The following KAZN variants were observed in gnomAD, a reference collection of about 807,000 sequenced individuals.
KAZN encodes the protein kazrin, periplakin interacting protein.
A neutral mutation model predicts 87.4 loss-of-function variants in KAZN; 40 were observed. The observed-to-expected ratio is 0.46, with a 90% CI of 0.36 to 0.60. The LOEUF is 0.60. Ranked by LOEUF, KAZN falls within the 20% of genes least tolerant of loss-of-function variation. KAZN has a pLI of 0.00. For missense variants in KAZN, 898 were observed against 1,073.9 expected, an observed-to-expected ratio of 0.84 and a Z score of 2.29; for synonymous variants, 466 against 458.3, an observed-to-expected ratio of 1.02 and a Z score of -0.22.
chr1:15,003,005 T>TACACACAC (rs113317563), intron 2 of KAZN, among the ~76,000 whole-genome samples: 48 of 131,498 alleles, frequency 3.7e-4, no homozygotes, highest in African/African-American at 7.6e-4. Context: ...AAAATAAACG[T>TACACACAC]ACACACACAC....
At chr1:14,781,052 G>A (rs1283897693) in intron 1 of KAZN, among the ~76,000 whole-genome samples, 1 of 152,186 alleles carries the variant, frequency 6.6e-6, no homozygotes, top group Non-Finnish European at 1.5e-5. Flanking sequence ...GCCGGGCGCG[G>A]AGGATCACAC....
At chr1:14,890,670 A>G (rs937683872) in intron 1 of KAZN, among the ~76,000 whole-genome samples, 1 of 152,114 alleles carries the variant, frequency 6.6e-6, no homozygotes, top group African/African-American at 2.4e-5. Flanking sequence ...CCACTGATGA[A>G]TCTCAGAATG....
intron 2 of KAZN, among the ~76,000 whole-genome samples, chr1:14,293,840 C>A (rs995455462): frequency 9.2e-5 from 14 of 152,108 alleles, no homozygotes; most frequent in African/African-American, 3.4e-4. Context: ...TCAGTTTCCC[C>A]AAGGTGGTTA....
chr1:14,284,827 CG>C (rs964671294), intron 2 of KAZN, among the ~76,000 whole-genome samples: 2 of 152,180 alleles, frequency 1.3e-5, no homozygotes, highest in Non-Finnish European at 2.9e-5. Context: ...CATTGAGAAA[CG>C]AAGTGGCTTC....
intron 2 of KAZN, among the ~76,000 whole-genome samples, chr1:14,242,451 G>GAAAAAC (rs1294152029): frequency 1.3e-5 from 2 of 151,954 alleles, no homozygotes; most frequent in Admixed American, 6.6e-5. Flanking sequence ...GAAAGAGAAA[G>GAAAAAC]AAAAACACTG....
chr1:15,052,210 T>G (rs1302363698), intron 4 of KAZN, among the ~76,000 whole-genome samples: 1 of 151,950 alleles, frequency 6.6e-6, no homozygotes, highest in East Asian at 1.9e-4. Flanking sequence ...TACCCGAGAC[T>G]GGGTAATTTT....
intron 1 of KAZN, among the ~76,000 whole-genome samples, chr1:13,900,358 C>T (rs185151463): frequency 1.4e-3 from 212 of 152,266 alleles, no homozygotes; most frequent in African/African-American, 4.9e-3. Context: ...CACCCTCAGC[C>T]CCAAGGTAAA....
At chr1:14,126,852 TC>T (rs1644882110) in intron 1 of KAZN, among the ~76,000 whole-genome samples, 1 of 152,154 alleles carries the variant, frequency 6.6e-6, no homozygotes, top group Non-Finnish European at 1.5e-5. Flanking sequence ...ACGCCTGTAA[TC>T]CCAGCACTTT....
chr1:15,075,452 C>T (rs1347428404), intron 8 of KAZN, among the ~76,000 whole-genome samples: 2 of 152,164 alleles, frequency 1.3e-5, no homozygotes, highest in Non-Finnish European at 2.9e-5. Flanking sequence ...ACCACAGAAC[C>T]ACACCTTTTA....
At chr1:14,190,575 C>A (rs899058178) in intron 2 of KAZN, among the ~76,000 whole-genome samples, 3 of 152,132 alleles carry the variant, frequency 2.0e-5, no homozygotes, top group African/African-American at 7.2e-5. Flanking sequence ...CTATACTTTT[C>A]TTTGGCTAAG....
intron 1 of KAZN, among the ~76,000 whole-genome samples, chr1:14,174,944 A>G (rs917690127): frequency 8.5e-5 from 13 of 152,200 alleles, no homozygotes; most frequent in African/African-American, 3.1e-4. Context: ...GTGTCTGCTC[A>G]TGTTTAATTA....
intron 1 of KAZN, among the ~76,000 whole-genome samples, chr1:13,949,442 T>C (rs1641266445): frequency 6.6e-6 from 1 of 152,196 alleles, no homozygotes. Flanking sequence ...GCTTAAAAAA[T>C]GATAAGGCTT....
chr1:14,636,179 A>T (rs560322538), intron 1 of KAZN, among the ~76,000 whole-genome samples: 36 of 152,088 alleles, frequency 2.4e-4, no homozygotes, highest in African/African-American at 8.7e-4. Flanking sequence ...TGCTTATGAG[A>T]TGGGGTGATT....
At chr1:14,629,820 T>A (rs1679430962) in intron 1 of KAZN, among the ~76,000 whole-genome samples, 1 of 152,032 alleles carries the variant, frequency 6.6e-6, no homozygotes, top group Admixed American at 6.5e-5. Context: ...GTTCTACTCT[T>A]AAACTAAAAC....
chr1:14,595,680 CAAAAAA>C (rs34080804), upstream of KAZN, among the ~76,000 whole-genome samples: 2 of 96,690 alleles, frequency 2.1e-5, no homozygotes, highest in African/African-American at 4.5e-5. Context: ...GACTGCGTCT[CAAAAAA>C]AAAAAAAAAA....
At chr1:14,950,281 C>G (rs571507085) in intron 1 of KAZN, among the ~76,000 whole-genome samples, 9 of 152,038 alleles carry the variant, frequency 5.9e-5, no homozygotes, top group Non-Finnish European at 8.8e-5. Flanking sequence ...CTCCACCAAG[C>G]CAGGCTCCTG....
At chr1:14,548,900 T>A (rs920514041) in intron 2 of KAZN, among the ~76,000 whole-genome samples, 8 of 152,358 alleles carry the variant, frequency 5.3e-5, no homozygotes, top group Non-Finnish European at 1.2e-4. Context: ...ATTGATGTTT[T>A]CCATCCATGA....
At chr1:15,103,266 C>CG (rs1371535807) in intron 11 of KAZN, 93 bp from the exon 12 acceptor site, 10 of 883,314 alleles carry the variant, frequency 1.1e-5, no homozygotes, top group South Asian at 1.5e-5. Flanking sequence ...GACTCTGTCT[C>CG]GGGGGGAAAA....
At chr1:13,933,793 T>A (rs899182460) in intron 1 of KAZN, among the ~76,000 whole-genome samples, 2 of 152,194 alleles carry the variant, frequency 1.3e-5, no homozygotes, top group Non-Finnish European at 2.9e-5. Flanking sequence ...CCCAATGAGG[T>A]GCCTGAGGTT....
Sources: gnomAD v4.1 joint callset for allele counts (sites outside exome capture counted in the v4.1 genomes callset) on GRCh38, gnomAD v4.1.1 for gene constraint, MANE v1.5 for transcripts, NCBI Gene and HGNC (gene_info 2026-07-23, HGNC 2026-07-21) for gene names.